Variants in CEP112 observed in about 807,000 individuals in gnomAD.
The protein encoded by CEP112 is centrosomal protein 112, also known as centrosomal protein of 112 kDa.
Under a neutral mutation model 153.0 loss-of-function variants are expected in CEP112, and 127 were observed. That is an observed-to-expected ratio of 0.83 (90% CI 0.72 to 0.96). The LOEUF (loss-of-function observed/expected upper bound fraction) is 0.96. CEP112 is among the 40% of genes least tolerant of loss of function. CEP112 has a pLI of 0.00. For synonymous variants in CEP112, 358 were observed against 374.4 expected (o/e 0.96, Z 0.51); for missense variants, 1,089 against 1,101.2 (o/e 0.99, Z 0.16).
At chr17:65,766,085 T>TAG (rs2052948977) in intron 21 of CEP112, among the ~76,000 whole-genome samples, 1 of 144,616 alleles carries the variant, frequency 6.9e-6, no homozygotes. Flanking sequence ...CAAGAGAATA[T>TAG]AGAGAGACAA....
chr17:65,765,727 C>T (rs2052925468), intron 21 of CEP112, among the ~76,000 whole-genome samples: 1 of 152,112 alleles, frequency 6.6e-6, no homozygotes, highest in South Asian at 2.1e-4. Flanking sequence ...CACTGAGGTA[C>T]CCACAGTCAT....
intron 21 of CEP112, among the ~76,000 whole-genome samples, chr17:65,845,609 G>A (rs1309366211): frequency 1.3e-5 from 2 of 152,074 alleles, no homozygotes; most frequent in Non-Finnish European, 2.9e-5. Flanking sequence ...TTTCAAGGAA[G>A]GTTATTTTTA....
chr17:65,660,510 C>T (rs953991268), intron 24 of CEP112, among the ~76,000 whole-genome samples: 1 of 130,736 alleles, frequency 7.6e-6, no homozygotes, highest in Admixed American at 8.3e-5. Context: ...TTCCTTCCTT[C>T]CTTCCTTCTT....
chr17:65,848,099 C>T (rs576676993), intron 21 of CEP112, among the ~76,000 whole-genome samples: 1 of 152,334 alleles, frequency 6.6e-6, no homozygotes, highest in Non-Finnish European at 1.5e-5. Flanking sequence ...AGCTGTTCCT[C>T]TCCATTAGTC....
At chr17:66,047,599 T>TA (rs906647035) in intron 12 of CEP112, among the ~76,000 whole-genome samples, 6 of 152,244 alleles carry the variant, frequency 3.9e-5, no homozygotes, top group Admixed American at 3.3e-4. Flanking sequence ...ACTTTCATTT[T>TA]AAAACCACTA....
chr17:65,950,209 A>G (rs571315738), intron 18 of CEP112, among the ~76,000 whole-genome samples: 8 of 152,084 alleles, frequency 5.3e-5, no homozygotes, highest in African/African-American at 1.9e-4. Flanking sequence ...TGCTGTTTTA[A>G]TTTTTTTTAA....
chr17:65,649,083 C>A (rs1045859053), intron 24 of CEP112, among the ~76,000 whole-genome samples: 2,685 of 99,408 alleles, frequency 0.027, 76 homozygotes, highest in African/African-American at 0.075. Context: ...AACACACACA[C>A]ACACACACAC....
At chr17:66,092,071 T>C (rs2068154879) in intron 8 of CEP112, among the ~76,000 whole-genome samples, 1 of 150,612 alleles carries the variant, frequency 6.6e-6, no homozygotes, top group Non-Finnish European at 1.5e-5. Context: ...GATGGGAGTC[T>C]TGCTCTATCA....
At chr17:65,679,229 C>T (rs1349228307) in intron 24 of CEP112, among the ~76,000 whole-genome samples, 1 of 123,764 alleles carries the variant, frequency 8.1e-6, no homozygotes, top group African/African-American at 3.1e-5. Flanking sequence ...GCCAAAATTA[C>T]ATGTGGTTCT....
chr17:66,160,043 C>A (rs985136381), intron 4 of CEP112, among the ~76,000 whole-genome samples: 5 of 152,062 alleles, frequency 3.3e-5, no homozygotes, highest in African/African-American at 1.2e-4. Context: ...TCCTATACAC[C>A]AATAACAGAC....
chr17:65,910,422 G>A (rs4416050), intron 19 of CEP112, among the ~76,000 whole-genome samples: 2 of 151,982 alleles, frequency 1.3e-5, no homozygotes, highest in African/African-American at 4.8e-5. Context: ...AATTACATTA[G>A]GAAAAAGGTG....
intron 17 of CEP112, among the ~76,000 whole-genome samples, chr17:65,993,622 A>T (rs954555185): frequency 6.6e-6 from 1 of 152,228 alleles, no homozygotes; most frequent in Non-Finnish European, 1.5e-5. Flanking sequence ...ATGGATAAAT[A>T]TATGGTGGTA....
rs148791622 is a variant in CEP112, at chr17:65,782,051, C to CA, written c.2395-31328dup. Among the ~76,000 whole-genome samples, 1,110 of 152,096 alleles carry CA rather than the reference C, an allele frequency of 7.3e-3. 16 individuals are homozygous for CA. Among genetic ancestry groups the CA allele is most frequent in the African/African-American group, 0.025 (1,047 of 41,480 alleles). ...ATCTTCTGCACAGCAAAATAACTAC[C>CA]AACAGAGTAAACAGACACACTACAG... On this transcript the variant is annotated intron_variant, in intron 21 of 26. Coordinates refer to ENST00000535342, the MANE Select transcript of CEP112 (RefSeq NM_001199165.4).
intron 24 of CEP112, among the ~76,000 whole-genome samples, chr17:65,686,689 T>C (rs2047811406): frequency 6.6e-6 from 1 of 152,186 alleles, no homozygotes; most frequent in South Asian, 2.1e-4. Flanking sequence ...GGCATTTTCA[T>C]CTCTTTGACT....
chr17:65,939,189 C>T (rs903271287), intron 18 of CEP112, among the ~76,000 whole-genome samples: 2 of 151,782 alleles, frequency 1.3e-5, no homozygotes, highest in Non-Finnish European at 2.9e-5. Flanking sequence ...TTCAAAGAGG[C>T]AAAAGATGTA....
At chr17:65,957,245 A>T (rs1481475109) in intron 18 of CEP112, among the ~76,000 whole-genome samples, 1 of 152,252 alleles carries the variant, frequency 6.6e-6, no homozygotes, top group African/African-American at 2.4e-5. Context: ...ACGTAAAAAA[A>T]TAAAACGCTA....
chr17:65,761,953 C>T (rs1010539104), intron 21 of CEP112, among the ~76,000 whole-genome samples: 4 of 152,080 alleles, frequency 2.6e-5, no homozygotes, highest in African/African-American at 9.7e-5. Flanking sequence ...ACTGATTTTT[C>T]TGCCTGCTGG....
intron 19 of CEP112, among the ~76,000 whole-genome samples, chr17:65,909,194 G>T (rs1206304375): frequency 6.6e-6 from 1 of 152,158 alleles, no homozygotes; most frequent in Non-Finnish European, 1.5e-5. Context: ...ACAACACATT[G>T]AAAAGGGGAA....
chr17:65,952,000 G>A (rs1418275836), intron 18 of CEP112, among the ~76,000 whole-genome samples: 1 of 151,840 alleles, frequency 6.6e-6, no homozygotes, highest in African/African-American at 2.4e-5. Context: ...TTTAAAAGTG[G>A]GTTATTTACT....
Sources: gnomAD v4.1 joint callset for allele counts (sites outside exome capture counted in the v4.1 genomes callset) on GRCh38, gnomAD v4.1.1 for gene constraint, MANE v1.5 for transcripts, NCBI Gene and HGNC (gene_info 2026-07-23, HGNC 2026-07-21) for gene names.